CHODL: variants seen among roughly 807,000 people sequenced by gnomAD.
CHODL encodes chondrolectin, also known as transmembrane protein MT75.
CHODL carries 29 observed loss-of-function variants against 34.5 expected under a neutral mutation model. The ratio of observed to expected loss-of-function variants is 0.84; its 90% CI spans 0.63 to 1.15. CHODL has a LOEUF of 1.15. Among genes scored for constraint, CHODL ranks in the 50% most tolerant of loss-of-function variants. CHODL has a pLI of 0.00. For missense variants in CHODL, 332 were observed against 332.5 expected, an observed-to-expected ratio of 1.00 and a Z score of 0.01; for synonymous variants, 125 against 116.1, an observed-to-expected ratio of 1.08 and a Z score of -0.49.
Position 18,174,908 on chromosome 21 carries a change from A to G in CHODL, c.-44-81601A>G, listed in dbSNP as rs149094600. On this transcript the variant is annotated intron_variant, in intron 2 of 6. Transcript: ENST00000400127. ...AGTAAATCATTGTGGTTTAGCATGCAGACTCTGAAAAAGTATCTGTGCTCA... is the reference window on the plus strand; with the variant it reads ...AGTAAATCATTGTGGTTTAGCATGCGGACTCTGAAAAAGTATCTGTGCTCA... Among the ~76,000 whole-genome samples, 301 of 152,358 alleles carry G rather than the reference A, an allele frequency of 2.0e-3. 1 individual carries two copies. Among genetic ancestry groups the G allele is most frequent in the African/African-American group, 5.9e-3 (244 of 41,588 alleles).
At chr21:17,994,005 C>A (rs984693310) in intron 1 of CHODL, among the ~76,000 whole-genome samples, 1 of 151,296 alleles carries the variant, frequency 6.6e-6, no homozygotes, top group Non-Finnish European at 1.5e-5. Flanking sequence ...TTCTTTTTTT[C>A]TTGGTTAGTT....
At chr21:18,149,210 A>T (rs987769970) in intron 2 of CHODL, among the ~76,000 whole-genome samples, 2 of 152,318 alleles carry the variant, frequency 1.3e-5, no homozygotes, top group Admixed American at 1.3e-4. Context: ...GCCTTCTTTT[A>T]ATACTATTCC....
rs183257817 is a variant in CHODL at position 18,003,644 on chromosome 21, G to A, written c.-144-24228G>A. 5.3e-5 allele frequency among the ~76,000 whole-genome samples: 8 copies of A among 152,256 alleles called. No homozygotes were observed. In the East Asian group the frequency reaches 1.5e-3, roughly 29 times the overall value. On this transcript the variant is annotated intron_variant, in intron 1 of 6. Transcript: ENST00000400127. ...GAAGTGCACACACATTAGTGGCTAA[G>A]AGAAACATTTTATTTGTGTCCTTTT...
chr21:17,983,381 C>T (rs1323015317), intron 1 of CHODL, among the ~76,000 whole-genome samples: 3 of 152,184 alleles, frequency 2.0e-5, no homozygotes, highest in South Asian at 2.1e-4. Flanking sequence ...GTGATTTCTT[C>T]GGGATACAGT....
In CHODL at chr21:18,244,862, A is replaced by C; in HGVS notation, c.-362A>C. 1 of 226,296 alleles carries C rather than the reference A, an allele frequency of 4.4e-6. No individual in the cohort carries two copies. The highest frequency in any genetic ancestry group is 8.5e-6 in the Non-Finnish European group (1 of 117,096). The allele number at this position is 226,296 out of a possible 1,614,324, so 14.0% of individuals were successfully genotyped here. A position where few individuals can be genotyped will look rare whatever the true frequency, so the allele number is the denominator to read the frequency against. On this transcript the variant is annotated 5_prime_UTR_variant, in exon 1 of 6. Coordinates refer to ENST00000299295, the MANE Select transcript of CHODL (RefSeq NM_024944.3). Reference sequence around the variant, plus strand: ...CTGCTGTGATCCAGGACCAGGGCGCACCGGCTCAGCCTCTCACTTGTCAGA... The same window carrying C: ...CTGCTGTGATCCAGGACCAGGGCGCCCCGGCTCAGCCTCTCACTTGTCAGA...
intron 2 of CHODL, among the ~76,000 whole-genome samples, chr21:18,232,861 G>T (rs2073992456): frequency 6.8e-6 from 1 of 148,128 alleles, no homozygotes; most frequent in Admixed American, 6.8e-5. Flanking sequence ...AAATGTTTTT[G>T]ACAAATTATA....
intron 1 of CHODL, among the ~76,000 whole-genome samples, chr21:18,007,827 T>C (rs1401643279): frequency 6.6e-6 from 1 of 152,190 alleles, no homozygotes; most frequent in Non-Finnish European, 1.5e-5. Context: ...GTTTTTATAT[T>C]TTTCATATAG....
chr21:18,009,979 T>G (rs1418137686), intron 1 of CHODL, among the ~76,000 whole-genome samples: 1 of 151,284 alleles, frequency 6.6e-6, no homozygotes, highest in Non-Finnish European at 1.5e-5. Flanking sequence ...GAGATATGAT[T>G]TACACTGTTT....
intron 2 of CHODL, among the ~76,000 whole-genome samples, chr21:18,120,076 A>T (rs573545571): frequency 1.3e-4 from 20 of 152,138 alleles, no homozygotes; most frequent in Non-Finnish European, 2.6e-4. Flanking sequence ...ATTCCCCAGT[A>T]GCTCTTGATT....
chr21:17,967,312 T>A (rs556359725), intron 1 of CHODL, among the ~76,000 whole-genome samples: 84 of 152,324 alleles, frequency 5.5e-4, no homozygotes, highest in Non-Finnish European at 1.0e-3. Context: ...CACTTGTTGA[T>A]GACACAAGTG....
At position 18,094,185 on chromosome 21, in the gene CHODL, T is replaced by C. The variant is rs1003892474; in HGVS notation, c.-45+66214T>C. Among the ~76,000 whole-genome samples, 4 of 152,236 alleles carry C rather than the reference T, an allele frequency of 2.6e-5. No individual in the cohort carries two copies. In the East Asian group the frequency reaches 5.8e-4, roughly 22 times the overall value. On this transcript the variant is annotated intron_variant, in intron 2 of 6. Transcript: ENST00000400127. The stretch of plus-strand genomic sequence containing the variant: ...CAACAGAATATAACAACTTTAAATA[T>C]ATATGCACCAAACACTGGAGCACCC...
chr21:17,935,182 G>C (rs2063309179), intron 1 of CHODL, among the ~76,000 whole-genome samples: 1 of 152,252 alleles, frequency 6.6e-6, no homozygotes, highest in East Asian at 1.9e-4. Flanking sequence ...AGTATTTCTT[G>C]AGGGTTTCAT....
At chr21:18,010,297 C>CAAAAAAA (rs71189576) in intron 1 of CHODL, among the ~76,000 whole-genome samples, 5 of 38,772 alleles carry the variant, frequency 1.3e-4, no homozygotes, top group African/African-American at 3.0e-4. Flanking sequence ...ACTCCCGTCT[C>CAAAAAAA]AAAAAAAAAA....
chr21:18,148,827 T>C (rs1410479115), intron 2 of CHODL, among the ~76,000 whole-genome samples: 1 of 151,198 alleles, frequency 6.6e-6, no homozygotes, highest in Non-Finnish European at 1.5e-5. Context: ...AACATTCAAA[T>C]GGAAATTTAT....
At chr21:17,972,898 A>G (rs564220347) in intron 1 of CHODL, among the ~76,000 whole-genome samples, 1 of 152,328 alleles carries the variant, frequency 6.6e-6, no homozygotes, top group South Asian at 2.1e-4. Context: ...ACTATACTAC[A>G]ATGTGACAGT....
At chr21:18,180,113 G>A (rs920865445) in intron 2 of CHODL, among the ~76,000 whole-genome samples, 3 of 152,148 alleles carry the variant, frequency 2.0e-5, no homozygotes, top group Non-Finnish European at 4.4e-5. Flanking sequence ...TTAGCATTTT[G>A]ATGAATGTTA....
At chr21:18,108,359 T>A (rs1279297349) in intron 2 of CHODL, among the ~76,000 whole-genome samples, 1 of 152,216 alleles carries the variant, frequency 6.6e-6, no homozygotes, top group Non-Finnish European at 1.5e-5. Context: ...TCTTACTATA[T>A]GCTAGAAATA....
intron 2 of CHODL, among the ~76,000 whole-genome samples, chr21:18,165,756 A>C (rs1011908202): frequency 2.6e-5 from 4 of 152,188 alleles, no homozygotes; most frequent in Non-Finnish European, 5.9e-5. Context: ...TGGCAGGGTA[A>C]ATAATCTCCA....
rs567115464 is a variant in CHODL at position 17,946,184 on chromosome 21, A to T, written c.-145+28784A>T. ...TGTAATCCCAGCACTTTGGGAGGCC[A>T]AGGCGGGCGGATCACGAGGGCAGGA... On this transcript the variant is annotated intron_variant, in intron 1 of 6. Transcript: ENST00000400127. Among the ~76,000 whole-genome samples, 7 of 152,216 alleles carry T rather than the reference A, an allele frequency of 4.6e-5. No individual in the cohort carries two copies. The South Asian group carries it at 1.2e-3, about 27-fold the overall frequency.
Sources: gnomAD v4.1 joint callset for allele counts (sites outside exome capture counted in the v4.1 genomes callset) on GRCh38, gnomAD v4.1.1 for gene constraint, MANE v1.5 for transcripts, NCBI Gene and HGNC (gene_info 2026-07-23, HGNC 2026-07-21) for gene names.